TALDO1: variants seen among roughly 807,000 people sequenced by gnomAD.
The protein encoded by TALDO1 is transaldolase 1.
TALDO1 carries 29 observed loss-of-function variants against 38.1 expected under a neutral mutation model. The ratio of observed to expected loss-of-function variants is 0.76; its 90% CI spans 0.57 to 1.04. The LOEUF (loss-of-function observed/expected upper bound fraction) is 1.04, where lower values mean the gene tolerates loss of function less well. Ranked by LOEUF, TALDO1 falls within the 50% of genes least tolerant of loss-of-function variation. TALDO1 has a pLI of 0.00. For synonymous variants in TALDO1, 207 were observed against 176.8 expected, an observed-to-expected ratio of 1.17 and a Z score of -1.36; for missense variants, 499 against 438.1, an observed-to-expected ratio of 1.14 and a Z score of -1.24.
chr11:754,187 G>GT (rs1862796145), intron 1 of TALDO1, among the ~76,000 whole-genome samples: 1 of 151,886 alleles, frequency 6.6e-6, no homozygotes, highest in South Asian at 2.1e-4. Flanking sequence ...GTTTCGCCGT[G>GT]TTAGCCAGGC....
chr11:759,207 G>A, intron 3 of TALDO1, 150 bp downstream of exon 3: 4 of 672,518 alleles, frequency 5.9e-6, no homozygotes, highest in Non-Finnish European at 1.1e-5. Flanking sequence ...CCCACAGTTG[G>A]TAGTGATGAC....
chr11:760,451 G>C, intron 4 of TALDO1, 198 bp downstream of exon 4: 2 of 732,376 alleles, frequency 2.7e-6, no homozygotes, highest in Non-Finnish European at 4.4e-6. Context: ...CTCACTTGCT[G>C]GTGATCAGAA....
At chr11:764,632 G>A (rs541847449) in intron 7 of TALDO1, among the ~76,000 whole-genome samples, 181 bp from the exon 8 acceptor site, 2 of 148,046 alleles carry the variant, frequency 1.4e-5, no homozygotes, top group African/African-American at 4.9e-5. Context: ...AGGATGCTTG[G>A]TGGGTCCTGG....
intron 1 of TALDO1, 55 bp from the exon 2 acceptor site, chr11:755,824 T>C (rs1862826095): frequency 1.2e-6 from 2 of 1,613,446 alleles, no homozygotes; most frequent in Admixed American, 3.3e-5. Context: ...TTCACATGTT[T>C]CCAGTTGGAA....
chr11:751,332 C>T (rs1174535879), intron 1 of TALDO1, among the ~76,000 whole-genome samples: 1 of 152,138 alleles, frequency 6.6e-6, no homozygotes, highest in African/African-American at 2.4e-5. Flanking sequence ...GAAAAAATTG[C>T]AGTTCAAGCA....
At position 760,070 on chromosome 11, in the gene TALDO1, G is replaced by A. The variant is rs199966229; in HGVS notation, c.330-52G>A. The A allele has an allele frequency of 2.7e-5, 43 of 1,611,016 alleles. No individual in the cohort carries two copies. In the East Asian group the frequency reaches 2.7e-4, roughly 10 times the overall value. The stretch of plus-strand genomic sequence containing the variant: ...ACACCCGGCCTCCAGCTTGCTCTGC[G>A]TGGTGGGCAACCTGCGTGATCTGAG... On this transcript the variant is annotated intron_variant, in intron 3 of 7. Transcript: ENST00000319006.
rs1346608331 is a variant in TALDO1, at chr11:759,682, C to T, written c.330-440C>T. Among the ~76,000 whole-genome samples, 3 of 151,310 alleles carry T rather than the reference C, an allele frequency of 2.0e-5. No homozygotes were observed. The East Asian group carries it at 5.8e-4, about 29-fold the overall frequency. On this transcript the variant is annotated intron_variant, in intron 3 of 7. Transcript: ENST00000319006. ...GCAACCTTCACCTCCCGGGTTCAAG[C>T]GATTCTCCTGCCTCAGCCTCCCAAG...
At chr11:758,913 A>C in intron 2 of TALDO1, 37 bp from the exon 3 acceptor site, 5 of 1,577,726 alleles carry the variant, frequency 3.2e-6, no homozygotes, top group Non-Finnish European at 4.3e-6. Context: ...CGAACCTCAG[A>C]AGCTTCTAAC....
chr11:754,176 G>C (rs749779574), intron 1 of TALDO1, among the ~76,000 whole-genome samples: 9 of 151,896 alleles, frequency 5.9e-5, no homozygotes, highest in Non-Finnish European at 1.3e-4. Flanking sequence ...GTAGGGACAG[G>C]GTTTCGCCGT....
At chr11:755,050 AG>A (rs1862808684) in intron 1 of TALDO1, among the ~76,000 whole-genome samples, 1 of 151,506 alleles carries the variant, frequency 6.6e-6, no homozygotes, top group Admixed American at 6.6e-5. Context: ...AACTGGTTTC[AG>A]GTTAGAGGCC....
intron 1 of TALDO1, among the ~76,000 whole-genome samples, chr11:754,212 T>C (rs945175296): frequency 2.0e-5 from 3 of 152,062 alleles, no homozygotes; most frequent in Admixed American, 1.3e-4. Flanking sequence ...CTCGAACTCC[T>C]GACCTCAAGT....
chr11:760,223 C>A lies in TALDO1; in HGVS notation c.431C>A (p.Ser144Ter). The change falls in exon 4 of 8, where the codon TCA becomes TAA. Residue 144 changes from serine (S) to a stop codon, truncating the protein, a stop_gained. Transcript: ENST00000319006. LOFTEE classifies it high-confidence loss of function. ...AAGGACCGAATTCTTATAAAGCTGT[C>A]ATCAACCTGGGAAGGAATTCAGGCT... ...ISKDRILIKL[S>*]STWEGIQAGK... 1 of 1,614,170 alleles carries A rather than the reference C, an allele frequency of 6.2e-7. No individual in the cohort carries two copies. The highest frequency in any genetic ancestry group is 1.1e-5 in the South Asian group (1 of 91,066).
At chr11:759,667 C>A (rs1053690405) in intron 3 of TALDO1, among the ~76,000 whole-genome samples, 1 of 151,622 alleles carries the variant, frequency 6.6e-6, no homozygotes, top group Non-Finnish European at 1.5e-5. Flanking sequence ...GCAACCTTCA[C>A]CTCCCGGGTT....
In TALDO1 at chr11:764,893, A is replaced by G. The variant is rs1197061102; in HGVS notation, c.*48A>G. 6.2e-7 allele frequency: 1 copy of G among 1,612,860 alleles called. No individual in the cohort carries two copies. The highest frequency in any genetic ancestry group is 1.3e-5 in the African/African-American group (1 of 74,920). On this transcript the variant is annotated 3_prime_UTR_variant, in exon 8 of 8. Transcript: ENST00000319006. ...AGATCTGCACCGCCGGCCAGCTGGG[A>G]TCTGACTGCACGTGGCTTCTGATGA...
chr11:750,700 C>T (rs997832003), intron 1 of TALDO1, among the ~76,000 whole-genome samples: 5 of 152,002 alleles, frequency 3.3e-5, no homozygotes, highest in Non-Finnish European at 7.3e-5. Flanking sequence ...TGGCGGGCGC[C>T]TGTAGTCCCA....
In TALDO1 at chr11:764,888, C is replaced by T. The variant is rs1863023317; in HGVS notation, c.*43C>T. On this transcript the variant is annotated 3_prime_UTR_variant, in exon 8 of 8. Coordinates refer to ENST00000319006, the MANE Select transcript of TALDO1 (RefSeq NM_006755.2). ...ACTCCAGATCTGCACCGCCGGCCAG[C>T]TGGGATCTGACTGCACGTGGCTTCT... 6.2e-7 allele frequency: 1 copy of T among 1,613,506 alleles called. No individual in the cohort carries two copies. The highest frequency in any genetic ancestry group is 8.5e-7 in the Non-Finnish European group (1 of 1,179,868).
chr11:764,733 C>G, intron 7 of TALDO1, 80 bp from the exon 8 acceptor site: 1 of 1,607,782 alleles, frequency 6.2e-7, no homozygotes, highest in Non-Finnish European at 8.5e-7. Flanking sequence ...GGCCTCCCTC[C>G]TTCCACATGG....
At chr11:762,226 A>T (rs1862949921) in intron 4 of TALDO1, among the ~76,000 whole-genome samples, 1 of 152,122 alleles carries the variant, frequency 6.6e-6, no homozygotes, top group African/African-American at 2.4e-5. Flanking sequence ...GGCCTCCCAA[A>T]GTGTTGGGAT....
rs535121290 is a variant in TALDO1, at chr11:747,532, G to A, written c.51G>A (p.Gln17=). The A allele has an allele frequency of 4.4e-6, 7 of 1,599,468 alleles. No homozygotes were observed. In the Admixed American group the frequency reaches 8.5e-5, roughly 19 times the overall value. ...AGAGGATGGAGTCCGCGCTGGACCA[G>A]CTCAAGCAGTTCACCACCGTGGTGG... The part of the protein sequence containing the change: ...KRQRMESALD[Q]LKQFTTVVAD... Residue 17 remains glutamine, a synonymous_variant, in exon 1 of 8, where the codon CAG becomes CAA. Transcript: ENST00000319006.
Sources: allele counts gnomAD v4.1 joint callset (sites outside exome capture counted in the v4.1 genomes callset), GRCh38; gene constraint gnomAD v4.1.1; transcripts MANE v1.5; gene names NCBI Gene and HGNC (gene_info 2026-07-23, HGNC 2026-07-21).